TEX11: variants seen among roughly 807,000 people sequenced by gnomAD.
TEX11 encodes the protein testis-expressed protein 11.
TEX11 carries 7 observed loss-of-function variants against 84.4 expected under a neutral mutation model. The ratio of observed to expected loss-of-function variants is 0.08; its 90% CI spans 0.05 to 0.16. The LOEUF (loss-of-function observed/expected upper bound fraction) is 0.16. Ranked by LOEUF, TEX11 falls within the 10% of genes least tolerant of loss-of-function variation. The pLI is 1.00. For missense variants in TEX11, 551 were observed against 660.5 expected (o/e 0.83, Z 1.82); for synonymous variants, 264 against 222.8 (o/e 1.18, Z -1.64).
chrX:70,523,385 T>C, the TEX11 span, among the ~76,000 whole-genome samples: 1 of 111,560 alleles, frequency 9.0e-6, no homozygotes, highest in Non-Finnish European at 1.9e-5. Context: ...AGAGAACCTG[T>C]AGTGAGATCG....
chrX:70,897,568 C>A (rs1303312292), intron 2 of TEX11: 1 of 95,050 alleles, frequency 1.1e-5, no homozygotes, highest in African/African-American at 4.0e-5. Flanking sequence ...CCAGCCTGGA[C>A]AACAGAGACA....
At chrX:70,581,804 T>C (rs975277248) in intron 25 of TEX11, among the ~76,000 whole-genome samples, 2 of 111,790 alleles carry the variant, frequency 1.8e-5, no homozygotes, top group African/African-American at 6.5e-5. Context: ...TTGAAATAGA[T>C]ATTATTTTGG....
intron 2 of TEX11, among the ~76,000 whole-genome samples, chrX:70,897,079 C>T (rs1326350262): frequency 1.4e-5 from 1 of 72,408 alleles, no homozygotes; most frequent in Non-Finnish European, 3.3e-5. Context: ...TTGTAGTGAG[C>T]CGAGATCACG....
chrX:70,756,070 A>G (rs2090865621), intron 9 of TEX11, among the ~76,000 whole-genome samples: 1 of 111,841 alleles, frequency 8.9e-6, no homozygotes, highest in East Asian at 2.8e-4. Context: ...AGGCTTGAGT[A>G]GGCGGTTTTG....
chrX:70,827,538 A>T (rs1314639635), intron 8 of TEX11, among the ~76,000 whole-genome samples: 2 of 111,285 alleles, frequency 1.8e-5, no homozygotes, highest in African/African-American at 3.3e-5. Flanking sequence ...GCCTGGCAGC[A>T]TTCACCACAA....
intron 25 of TEX11, among the ~76,000 whole-genome samples, chrX:70,567,771 A>G (rs1205979805): frequency 1.8e-5 from 2 of 111,755 alleles, no homozygotes; most frequent in East Asian, 2.8e-4. Flanking sequence ...TCTGAGAGAC[A>G]GTTTGTTATA....
chrX:70,871,718 A>G (rs945519470), intron 4 of TEX11, among the ~76,000 whole-genome samples: 1 of 109,281 alleles, frequency 9.2e-6, no homozygotes, highest in African/African-American at 3.3e-5. Flanking sequence ...AGTACATGGG[A>G]CTCTCTTCTT....
At chrX:70,725,200 T>G in intron 12 of TEX11, 62 bp downstream of exon 12, 1 of 804,869 alleles carries the variant, frequency 1.2e-6, no homozygotes, top group Non-Finnish European at 1.8e-6. Flanking sequence ...CAAAAGATCT[T>G]ATATTTAACA....
chrX:70,892,102 T>C (rs1194492053), intron 2 of TEX11, among the ~76,000 whole-genome samples: 1 of 111,104 alleles, frequency 9.0e-6, no homozygotes, highest in Non-Finnish European at 1.9e-5. Context: ...GAAAATAATT[T>C]TCAACCCAGA....
intron 17 of TEX11, among the ~76,000 whole-genome samples, chrX:70,649,855 CTT>C (rs756012640): frequency 1.8e-5 from 2 of 111,654 alleles, no homozygotes; most frequent in Admixed American, 9.5e-5. Flanking sequence ...AAACTGAAAA[CTT>C]TGAACTTGTC....
chrX:70,851,360 C>T (rs1432656812), intron 7 of TEX11, among the ~76,000 whole-genome samples: 1 of 111,701 alleles, frequency 9.0e-6, no homozygotes, highest in Non-Finnish European at 1.9e-5. Context: ...ATAGTCTTCT[C>T]AACAAATGGT....
chrX:70,822,353 T>C (rs1010988391), intron 8 of TEX11, among the ~76,000 whole-genome samples: 1 of 111,186 alleles, frequency 9.0e-6, no homozygotes, highest in Non-Finnish European at 1.9e-5. Flanking sequence ...TGCACTCACA[T>C]ATTCATTGCA....
In TEX11 at chrX:70,907,803, G is replaced by T. The variant is rs1232780731; in HGVS notation, c.-14C>A. ...ATCATTGTCCATTTTTAAATCTCTGGCTCAAGCCTGTGAAATAATAACATA... is the reference window on the plus strand; with the variant it reads ...ATCATTGTCCATTTTTAAATCTCTGTCTCAAGCCTGTGAAATAATAACATA... On this transcript the variant is annotated 5_prime_UTR_variant, in exon 2 of 30. Transcript: ENST00000374333. The T allele has an allele frequency of 8.7e-7, 1 of 1,149,858 alleles. No homozygotes were observed. The highest frequency in any genetic ancestry group is 1.2e-6 in the Non-Finnish European group (1 of 839,714). 94.8% of individuals were successfully genotyped at this position (1,149,858 alleles called of 1,213,427 possible).
chrX:70,774,556 T>A (rs2090990590), intron 9 of TEX11, among the ~76,000 whole-genome samples: 1 of 111,496 alleles, frequency 9.0e-6, no homozygotes, highest in Non-Finnish European at 1.9e-5. Context: ...ATCAGCAGCA[T>A]TTCTATACAA....
chrX:70,893,872 T>C (rs1317154173), intron 2 of TEX11, among the ~76,000 whole-genome samples: 2 of 110,644 alleles, frequency 1.8e-5, no homozygotes, highest in African/African-American at 6.6e-5. Flanking sequence ...AAATAGATAA[T>C]AAAAAATTAT....
At chrX:70,775,271 T>A (rs1221415884) in intron 9 of TEX11, among the ~76,000 whole-genome samples, 1 of 111,358 alleles carries the variant, frequency 9.0e-6, no homozygotes, top group Non-Finnish European at 1.9e-5. Flanking sequence ...CTTCAGGACA[T>A]TGGTCTAGGC....
the TEX11 span, among the ~76,000 whole-genome samples, chrX:70,518,470 G>C: frequency 3.6e-5 from 4 of 112,277 alleles, no homozygotes; most frequent in African/African-American, 1.3e-4. Flanking sequence ...TAATTTGATT[G>C]CACTGTGGTC....
intron 25 of TEX11, among the ~76,000 whole-genome samples, chrX:70,572,858 G>A (rs1394628326): frequency 1.4e-5 from 1 of 72,899 alleles, no homozygotes; most frequent in Non-Finnish European, 2.5e-5. Flanking sequence ...CTGTGGGGTG[G>A]GGGGAGGGGG....
chrX:70,555,821 T>C (rs1379042232), intron 25 of TEX11, among the ~76,000 whole-genome samples: 2 of 112,356 alleles, frequency 1.8e-5, no homozygotes, highest in African/African-American at 6.4e-5. Context: ...ATTTAATTAA[T>C]AGGCATAGGA....
Sources: allele counts gnomAD v4.1 joint callset (sites outside exome capture counted in the v4.1 genomes callset), GRCh38; gene constraint gnomAD v4.1.1; transcripts MANE v1.5; gene names NCBI Gene and HGNC (gene_info 2026-07-23, HGNC 2026-07-21).